SH2B1: variants seen among roughly 807,000 people sequenced by gnomAD.
The protein encoded by SH2B1 is SH2B adapter protein 1.
SH2B1 carries 15 observed loss-of-function variants against 62.6 expected under a neutral mutation model. The observed-to-expected ratio is 0.24, with a 90% CI of 0.16 to 0.37. The LOEUF is 0.37. Ranked by LOEUF, SH2B1 falls within the 10% of genes least tolerant of loss-of-function variation. SH2B1 has a pLI of 1.00. For missense variants in SH2B1, 925 were observed against 1,015.6 expected (o/e 0.91, Z 1.21); for synonymous variants, 443 against 438.0 (o/e 1.01, Z -0.14).
At chr16:28,863,739 T>G (rs542573717), upstream of SH2B1, 6 of 1,534,504 alleles carry the variant, frequency 3.9e-6, no homozygotes, top group East Asian at 7.3e-5. Context: ...CGGCGCCGAG[T>G]GGGAGGATGG....
In SH2B1 at chr16:28,864,005, C is replaced by T. The variant is rs1227568785; in HGVS notation, c.-2090C>T. 7 of 1,391,562 alleles carry T rather than the reference C, an allele frequency of 5.0e-6. No homozygotes were observed. The highest frequency in any genetic ancestry group is 5.6e-6 in the Non-Finnish European group (6 of 1,073,568). 86.2% of individuals were successfully genotyped at this position (1,391,562 alleles called of 1,614,324 possible). ...CCTTTTCCCTCTCCGCGACCCGGCC[C>T]TGGCGCCCGAGAGGATTCCTGGGTG... is the stretch of plus-strand genomic sequence containing the variant. On this transcript the variant is annotated 5_prime_UTR_variant, in exon 1 of 8. Coordinates refer to ENST00000684370, the MANE Select transcript of SH2B1 (RefSeq NM_001387430.1).
At position 28,873,528 on chromosome 16, in the gene SH2B1, C is replaced by G. The variant is rs768965595; in HGVS notation, c.1979C>G (p.Ala660Gly). The G allele has an allele frequency of 6.2e-7, 1 of 1,603,066 alleles. No individual in the cohort carries two copies. Among genetic ancestry groups the G allele is most frequent in the Non-Finnish European group, 8.5e-7 (1 of 1,175,600 alleles). The change falls in exon 8 of 8, where the codon GCG (alanine) becomes GGG (glycine). Residue 660 changes from alanine to glycine, a missense_variant. By Grantham distance (60) the Ala-to-Gly change is moderately conservative (BLOSUM62 0). Around this residue, in one of 3 missense-constraint regions of SH2B1, gnomAD observed 185 missense variants for 189.5 expected, o/e 0.98. Coordinates refer to ENST00000684370, the MANE Select transcript of SH2B1 (RefSeq NM_001387430.1). This position sits in a 1 kb window ranked among gnomAD's most constrained non-coding sequence, Gnocchi z 4.2. ...CCCCCACAGCCTGGGGCAGAAGAGG[C>G]GTCGAGGGCGCCAGAAGTGGCGGCA... ...TDPPQPGAEE[A>G]SRAPEVAAAA...
chr16:28,849,945 T>C (rs1307129999), intron 1 of SH2B1, among the ~76,000 whole-genome samples: 2 of 151,964 alleles, frequency 1.3e-5, no homozygotes, highest in Non-Finnish European at 1.5e-5. Flanking sequence ...AAAACTATTA[T>C]GTGTGGTATG....
upstream of SH2B1, among the ~76,000 whole-genome samples, chr16:28,858,843 G>A (rs930013478): frequency 4.0e-5 from 6 of 151,084 alleles, no homozygotes; most frequent in Non-Finnish European, 7.4e-5. Flanking sequence ...GGGAGGCTGA[G>A]GCATGAGAAT....
chr16:28,849,148 G>A (rs536457495), intron 1 of SH2B1, among the ~76,000 whole-genome samples: 1 of 152,066 alleles, frequency 6.6e-6, no homozygotes, highest in East Asian at 1.9e-4. Context: ...GGGTCTCCTA[G>A]GCTGGAGCAT....
At position 28,865,088 on chromosome 16, in the gene SH2B1, C is replaced by G; in HGVS notation, c.-1007C>G. On this transcript the variant is annotated 5_prime_UTR_variant, in exon 1 of 8. Transcript: ENST00000684370. The stretch of plus-strand genomic sequence containing the variant: ...CCATGGCCTTAACCAGAAGGCTAAC[C>G]TGCCTTTAGGGCATACTCCCCAGTG... 2.0e-6 allele frequency: 2 copies of G among 985,550 alleles called. No homozygotes were observed. Among genetic ancestry groups the G allele is most frequent in the East Asian group, 2.2e-4 (2 of 8,896 alleles). 61.1% of individuals were successfully genotyped at this position (985,550 alleles called of 1,614,324 possible). A position where few individuals can be genotyped will look rare whatever the true frequency, so the allele number is the denominator to read the frequency against.
At position 28,852,948 on chromosome 16, in the gene SH2B1, ATT is replaced by A. The variant is rs371078032; in HGVS notation, c.-301+6124_-301+6125del. Among the ~76,000 whole-genome samples, 5 of 49,698 alleles carry A rather than the reference ATT, an allele frequency of 1.0e-4. 1 individual carries two copies. Among genetic ancestry groups the A allele is most frequent in the African/African-American group, 3.9e-4 (5 of 12,934 alleles). 32.6% of individuals were successfully genotyped at this position (49,698 alleles called of 152,430 possible). A position where few individuals can be genotyped will look rare whatever the true frequency, so the allele number is the denominator to read the frequency against. ...TATTTTTATATATATGTACATATAT[ATT>A]TTATATATGTACATATATATGTACA... On this transcript the variant is annotated intron_variant, in intron 1 of 10. Coordinates refer to the SH2B1 transcript ENST00000322610.
At chr16:28,860,541 C>G (rs895220619), upstream of SH2B1, among the ~76,000 whole-genome samples, 16 of 151,772 alleles carry the variant, frequency 1.1e-4, no homozygotes, top group Admixed American at 3.9e-4. Flanking sequence ...CCGTGCCCAG[C>G]CTCCTCCCAC....
chr16:28,867,477 A>G (rs1962780947), intron 2 of SH2B1, 45 bp downstream of exon 2: 1 of 1,450,304 alleles, frequency 6.9e-7, no homozygotes. Context: ...TGTGTTAAGG[A>G]GAAAGCCCTC....
At chr16:28,850,584 G>T (rs931894602) in intron 1 of SH2B1, among the ~76,000 whole-genome samples, 7 of 151,650 alleles carry the variant, frequency 4.6e-5, no homozygotes, top group African/African-American at 1.7e-4. Context: ...AAAGGGCCAG[G>T]TGTGGTGGCT....
At chr16:28,856,301 CA>C (rs1432223124) in intron 1 of SH2B1, among the ~76,000 whole-genome samples, 10 of 149,250 alleles carry the variant, frequency 6.7e-5, no homozygotes, top group Admixed American at 1.3e-4. Flanking sequence ...CACACACACA[CA>C]AAAAAGTGCC....
upstream of SH2B1, among the ~76,000 whole-genome samples, chr16:28,860,098 T>G (rs1250822598): frequency 1.3e-5 from 2 of 152,056 alleles, no homozygotes; most frequent in Non-Finnish European, 2.9e-5. Context: ...TTCCCCTTAA[T>G]GTTTCCAACA....
intron 1 of SH2B1, among the ~76,000 whole-genome samples, chr16:28,848,475 G>A (rs2152150692): frequency 6.6e-6 from 1 of 152,104 alleles, no homozygotes; most frequent in Non-Finnish European, 1.5e-5. Flanking sequence ...AAACTCAGAG[G>A]AGTTTAGGAA....
intron 4 of SH2B1, among the ~76,000 whole-genome samples, chr16:28,871,264 T>C (rs1330596433): frequency 6.6e-6 from 1 of 152,122 alleles, no homozygotes; most frequent in Non-Finnish European, 1.5e-5. Context: ...GTGATCCTCC[T>C]GCCTCAACCT....
chr16:28,871,179 A>G (rs765046176), intron 4 of SH2B1, among the ~76,000 whole-genome samples: 35 of 152,184 alleles, frequency 2.3e-4, no homozygotes, highest in Non-Finnish European at 4.1e-4. Context: ...CACTACGTCC[A>G]GCTAATTTTT....
Position 28,864,074 on chromosome 16 carries a change from C to G in SH2B1, c.-2021C>G, listed in dbSNP as rs1267491216. Reference sequence around the variant, plus strand: ...CGGGGGCTGGAGAGGCACTCGGCCCCGGAGAGTGCAGCAGACAGGGCTGGT... The same window carrying G: ...CGGGGGCTGGAGAGGCACTCGGCCCGGGAGAGTGCAGCAGACAGGGCTGGT... On this transcript the variant is annotated 5_prime_UTR_variant, in exon 1 of 8. Coordinates refer to ENST00000684370, the MANE Select transcript of SH2B1 (RefSeq NM_001387430.1). 3.0e-6 allele frequency: 4 copies of G among 1,337,448 alleles called. No individual in the cohort carries two copies. Among genetic ancestry groups the G allele is most frequent in the Non-Finnish European group, 3.8e-6 (4 of 1,039,248 alleles). The allele number at this position is 1,337,448 out of a possible 1,614,324, so 82.8% of individuals were successfully genotyped here. A position where few individuals can be genotyped will look rare whatever the true frequency, so the allele number is the denominator to read the frequency against.
At chr16:28,849,620 T>A (rs1962053885) in intron 1 of SH2B1, among the ~76,000 whole-genome samples, 1 of 151,990 alleles carries the variant, frequency 6.6e-6, no homozygotes, top group African/African-American at 2.4e-5. Flanking sequence ...AAAAGAATAT[T>A]GTTTGGTAGA....
chr16:28,864,421 G>A lies in SH2B1; in HGVS notation c.-1674G>A. 1 of 986,966 alleles carries A rather than the reference G, an allele frequency of 1.0e-6. No homozygotes were observed. Among genetic ancestry groups the A allele is most frequent in the Non-Finnish European group, 1.2e-6 (1 of 830,764 alleles). The allele number at this position is 986,966 out of a possible 1,614,324, so 61.1% of individuals were successfully genotyped here. A position where few individuals can be genotyped will look rare whatever the true frequency, so the allele number is the denominator to read the frequency against. On this transcript the variant is annotated 5_prime_UTR_variant, in exon 1 of 8. Transcript: ENST00000684370. ...GTGTGAGCCGAGGTGGCCGCTGGCTGGAGATTGGTTTGCACTTCTTGGCTG... is the reference window on the plus strand; with the variant it reads ...GTGTGAGCCGAGGTGGCCGCTGGCTAGAGATTGGTTTGCACTTCTTGGCTG...
At position 28,864,243 on chromosome 16, in the gene SH2B1, T is replaced by C; in HGVS notation, c.-1852T>C. 2.0e-6 allele frequency: 2 copies of C among 1,014,460 alleles called. No individual in the cohort carries two copies. The highest frequency in any genetic ancestry group is 2.4e-6 in the Non-Finnish European group (2 of 847,586). 62.8% of individuals were successfully genotyped at this position (1,014,460 alleles called of 1,614,324 possible). On this transcript the variant is annotated 5_prime_UTR_variant, in exon 1 of 8. Transcript: ENST00000684370. ...CCTCCACCTCCCGCCCTTCGGGAAATATCAGAACTGAGCCAGGAGGCAGGT... is the reference window on the plus strand; with the variant it reads ...CCTCCACCTCCCGCCCTTCGGGAAACATCAGAACTGAGCCAGGAGGCAGGT...
Sources: gnomAD v4.1 joint callset for allele counts (sites outside exome capture counted in the v4.1 genomes callset) on GRCh38, gnomAD v4.1.1 for gene constraint, gnomAD v4.1.1 regional missense constraint, Gnocchi (gnomAD v3.1) non-coding constraint, MANE v1.5 for transcripts, NCBI Gene and HGNC (gene_info 2026-07-23, HGNC 2026-07-21) for gene names.